Variants in PRKCQ observed in about 807,000 individuals in gnomAD.
The protein encoded by PRKCQ is protein kinase C theta type.
In PRKCQ, 41 loss-of-function variants were observed where a neutral mutation model predicts 91.2. The ratio of observed to expected loss-of-function variants is 0.45; its 90% CI spans 0.35 to 0.58. The LOEUF (loss-of-function observed/expected upper bound fraction) is 0.58. Among genes scored for constraint, PRKCQ ranks in the 20% least tolerant of loss-of-function variants. The probability of loss-of-function intolerance (pLI) is 0.00; values close to 1 mark genes in which losing one functional copy is unlikely to be tolerated. For synonymous variants in PRKCQ, 307 were observed against 316.9 expected (o/e 0.97, Z 0.33); for missense variants, 673 against 896.5 (o/e 0.75, Z 3.18).
At chr10:6,461,773 C>T (rs1389549838) in intron 14 of PRKCQ, among the ~76,000 whole-genome samples, 1 of 152,052 alleles carries the variant, frequency 6.6e-6, no homozygotes. Flanking sequence ...GGAAATCTGA[C>T]AGTAAGCTTG....
At chr10:6,487,784 G>C (rs1837014502) in intron 8 of PRKCQ, among the ~76,000 whole-genome samples, 1 of 151,996 alleles carries the variant, frequency 6.6e-6, no homozygotes, top group African/African-American at 2.4e-5. Context: ...GATCACCTGA[G>C]GTCAGGAGTT....
chr10:6,396,268 G>A, the PRKCQ span, among the ~76,000 whole-genome samples: 2 of 152,150 alleles, frequency 1.3e-5, no homozygotes. Flanking sequence ...ACTAAAACAA[G>A]TTTTATTGAG....
chr10:6,494,112 C>T (rs1434596253), intron 7 of PRKCQ, among the ~76,000 whole-genome samples: 4 of 152,166 alleles, frequency 2.6e-5, no homozygotes, highest in Admixed American at 1.3e-4. Flanking sequence ...TTCCTCCAGC[C>T]ATCAAACTCC....
rs570136970 is a variant in PRKCQ, at chr10:6,491,360, T to C, written c.790+323A>G. On this transcript the variant is annotated intron_variant, in intron 8 of 17. Transcript: ENST00000263125. ...GCCCAGAGCCCACTGAGGAAACTAG[T>C]AGTAGAAAGACCAGTGAGAGGAGAA... Among the ~76,000 whole-genome samples the C allele has an allele frequency of 1.3e-4, 20 of 152,202 alleles. 1 individual carries two copies. The highest frequency in any genetic ancestry group is 8.5e-4 in the Admixed American group (13 of 15,298).
intron 1 of PRKCQ, among the ~76,000 whole-genome samples, chr10:6,563,415 C>T (rs566406291): frequency 5.5e-4 from 84 of 152,112 alleles, no homozygotes; most frequent in Non-Finnish European, 9.4e-4. Flanking sequence ...CTCCATGGCC[C>T]GTCCTGATGT....
intron 2 of PRKCQ, among the ~76,000 whole-genome samples, chr10:6,513,159 C>T (rs549543806): frequency 3.6e-4 from 55 of 152,280 alleles, no homozygotes; most frequent in Non-Finnish European, 6.6e-4. Flanking sequence ...CTCACAACCC[C>T]GCAGCCCCGT....
chr10:6,528,034 A>G (rs959936189), intron 1 of PRKCQ, among the ~76,000 whole-genome samples: 1 of 152,060 alleles, frequency 6.6e-6, no homozygotes, highest in Non-Finnish European at 1.5e-5. Context: ...GTTCTCACAC[A>G]TTTACCTTAT....
intron 11 of PRKCQ, 133 bp downstream of exon 11, chr10:6,483,307 G>T: frequency 1.7e-6 from 2 of 1,178,176 alleles, no homozygotes; most frequent in Non-Finnish European, 2.4e-6. Context: ...TTTATTCAGC[G>T]CTCCCTCAGG....
the PRKCQ span, among the ~76,000 whole-genome samples, chr10:6,405,807 C>T: frequency 1.3e-5 from 2 of 152,222 alleles, no homozygotes; most frequent in South Asian, 4.1e-4. Context: ...GTGCTGGCTA[C>T]TTTATGGTAC....
At chr10:6,503,437 A>G (rs993094735) in intron 4 of PRKCQ, among the ~76,000 whole-genome samples, 6 of 152,200 alleles carry the variant, frequency 3.9e-5, no homozygotes, top group African/African-American at 1.4e-4. Flanking sequence ...TACAAGAGTA[A>G]TAATAGGAGA....
intron 7 of PRKCQ, among the ~76,000 whole-genome samples, chr10:6,495,640 C>T (rs1478847573): frequency 6.6e-6 from 1 of 152,148 alleles, no homozygotes; most frequent in Non-Finnish European, 1.5e-5. Context: ...CGCAGGACCA[C>T]GTCTGTTTTG....
At chr10:6,560,898 G>A (rs1015333111) in intron 1 of PRKCQ, among the ~76,000 whole-genome samples, 2 of 152,048 alleles carry the variant, frequency 1.3e-5, no homozygotes, top group Non-Finnish European at 2.9e-5. Flanking sequence ...AATTAGCCAG[G>A]CGTGGTGGTG....
intron 3 of PRKCQ, 112 bp downstream of exon 3, chr10:6,510,882 TG>T: frequency 8.3e-7 from 1 of 1,203,968 alleles, no homozygotes; most frequent in Non-Finnish European, 1.2e-6. Flanking sequence ...GTAGGGAGCC[TG>T]GTGACCCGAG....
chr10:6,508,663 G>A (rs2130852545), intron 3 of PRKCQ, among the ~76,000 whole-genome samples: 1 of 152,346 alleles, frequency 6.6e-6, no homozygotes, highest in East Asian at 1.9e-4. Flanking sequence ...AAGGAGTAAA[G>A]ATGGAGGCAA....
At chr10:6,443,238 G>C (rs1185555698) in intron 15 of PRKCQ, among the ~76,000 whole-genome samples, 1 of 152,198 alleles carries the variant, frequency 6.6e-6, no homozygotes, top group Non-Finnish European at 1.5e-5. Flanking sequence ...CCAACAAACT[G>C]TGCCTAAGCT....
intron 14 of PRKCQ, among the ~76,000 whole-genome samples, chr10:6,458,725 C>T (rs1166355138): frequency 6.6e-6 from 1 of 152,132 alleles, no homozygotes; most frequent in East Asian, 1.9e-4. Context: ...TTGCTTGTCT[C>T]ATGGGGTCCT....
chr10:6,459,386 T>C (rs1227044477), intron 14 of PRKCQ, among the ~76,000 whole-genome samples: 1 of 152,100 alleles, frequency 6.6e-6, no homozygotes, highest in Non-Finnish European at 1.5e-5. Context: ...CTTCTCTATG[T>C]TTAGTACCCA....
At chr10:6,517,847 C>A (rs886963440) in intron 1 of PRKCQ, among the ~76,000 whole-genome samples, 30 of 151,976 alleles carry the variant, frequency 2.0e-4, no homozygotes, top group African/African-American at 7.0e-4. Flanking sequence ...AAGAAAGGCA[C>A]TGTTTATGAC....
At chr10:6,482,173 A>G (rs545018630) in intron 11 of PRKCQ, among the ~76,000 whole-genome samples, 41 of 152,304 alleles carry the variant, frequency 2.7e-4, no homozygotes, top group South Asian at 2.3e-3. Flanking sequence ...AATTGTGTCT[A>G]TACTGAAGTT....
Sources: allele counts gnomAD v4.1 joint callset (sites outside exome capture counted in the v4.1 genomes callset), GRCh38; gene constraint gnomAD v4.1.1; transcripts MANE v1.5; gene names NCBI Gene and HGNC (gene_info 2026-07-23, HGNC 2026-07-21).